RBFOX1: variants seen among roughly 807,000 people sequenced by gnomAD.
The protein encoded by RBFOX1 is RNA binding fox-1 homolog 1.
RBFOX1 carries 8 observed loss-of-function variants against 57.7 expected under a neutral mutation model. The observed-to-expected ratio is 0.14, with a 90% CI of 0.08 to 0.25. RBFOX1 has a LOEUF of 0.25. Among genes scored for constraint, RBFOX1 ranks in the 10% least tolerant of loss-of-function variants. RBFOX1 has a pLI of 1.00. For synonymous variants in RBFOX1, 326 were observed against 222.4 expected (o/e 1.47, Z -4.15); for missense variants, 611 against 548.5 (o/e 1.11, Z -1.14).
chr16:6,102,713 G>A (rs539579822), intron 1 of RBFOX1, among the ~76,000 whole-genome samples: 3 of 152,168 alleles, frequency 2.0e-5, no homozygotes, highest in Non-Finnish European at 2.9e-5. Context: ...TTTTCGCCTC[G>A]ATTTCCAAGT....
intron 11 of RBFOX1, among the ~76,000 whole-genome samples, chr16:7,643,864 C>G (rs1009916556): frequency 6.6e-6 from 1 of 152,106 alleles, no homozygotes; most frequent in African/African-American, 2.4e-5. Flanking sequence ...ATGGCGGGCA[C>G]ACACACAGAC....
intron 3 of RBFOX1, among the ~76,000 whole-genome samples, chr16:6,836,660 G>C (rs913890669): frequency 2.0e-5 from 3 of 152,184 alleles, no homozygotes; most frequent in Non-Finnish European, 2.9e-5. Context: ...GGGGGTGACA[G>C]TTCCTTTCTT....
At chr16:7,683,681 G>C (rs1261717275) in intron 14 of RBFOX1, among the ~76,000 whole-genome samples, 1 of 151,848 alleles carries the variant, frequency 6.6e-6, no homozygotes, top group Non-Finnish European at 1.5e-5. Context: ...TGACTTGATA[G>C]GCCACAAAAA....
At position 6,703,300 on chromosome 16, in the gene RBFOX1, A is replaced by G. The variant is rs1359986367; in HGVS notation, c.-16+48650A>G. Among the ~76,000 whole-genome samples, 7 of 152,070 alleles carry G rather than the reference A, an allele frequency of 4.6e-5. No individual in the cohort carries two copies. In the East Asian group the frequency reaches 1.4e-3, roughly 29 times the overall value. On this transcript the variant is annotated intron_variant, in intron 3 of 15. Coordinates refer to ENST00000550418, the MANE Select transcript of RBFOX1 (RefSeq NM_018723.4). The stretch of plus-strand genomic sequence containing the variant: ...TTTCATAGATAAGAAAGTGGCTGGG[A>G]GTGGTAGCTTACACCTGTGATCCAG...
intron 3 of RBFOX1, among the ~76,000 whole-genome samples, chr16:5,815,494 A>C (rs571775674): frequency 6.6e-6 from 1 of 152,194 alleles, no homozygotes; most frequent in South Asian, 2.1e-4. Flanking sequence ...ATGAGTATTC[A>C]GTCACTAATG....
intron 4 of RBFOX1, among the ~76,000 whole-genome samples, chr16:7,302,953 A>G (rs185480903): frequency 6.6e-6 from 1 of 152,228 alleles, no homozygotes; most frequent in Non-Finnish European, 1.5e-5. Flanking sequence ...AAGAATAAAA[A>G]AAATAAATAA....
intron 2 of RBFOX1, among the ~76,000 whole-genome samples, chr16:6,411,080 T>C (rs903333437): frequency 6.6e-6 from 1 of 152,154 alleles, no homozygotes; most frequent in Non-Finnish European, 1.5e-5. Flanking sequence ...ATTCCCCTAC[T>C]CTGAAAACCA....
At chr16:7,326,512 CA>C (rs1345696050) in intron 4 of RBFOX1, among the ~76,000 whole-genome samples, 10 of 152,232 alleles carry the variant, frequency 6.6e-5, no homozygotes, top group Admixed American at 6.5e-4. Context: ...GATGAAAAAA[CA>C]ATTTTGAATG....
At chr16:7,277,055 C>G (rs546920247) in intron 4 of RBFOX1, among the ~76,000 whole-genome samples, 4 of 152,266 alleles carry the variant, frequency 2.6e-5, no homozygotes, top group African/African-American at 4.8e-5. Flanking sequence ...GTCTGCAGCC[C>G]TTTAAGAATA....
intron 4 of RBFOX1, among the ~76,000 whole-genome samples, chr16:7,430,290 T>C (rs2098666151): frequency 2.6e-5 from 4 of 152,216 alleles, no homozygotes; most frequent in Admixed American, 2.6e-4. Flanking sequence ...TGGTGGTTTA[T>C]GCAATTCCCA....
chr16:6,420,347 T>G (rs1290450948), intron 2 of RBFOX1, among the ~76,000 whole-genome samples: 1 of 151,870 alleles, frequency 6.6e-6, no homozygotes, highest in African/African-American at 2.4e-5. Flanking sequence ...GGGGAGATTT[T>G]TTTTCCCTAC....
intron 3 of RBFOX1, among the ~76,000 whole-genome samples, chr16:6,926,033 G>T (rs1018813138): frequency 6.6e-6 from 1 of 152,106 alleles, no homozygotes; most frequent in Non-Finnish European, 1.5e-5. Context: ...TGCTGGCTGG[G>T]CTTGGTGGCT....
At chr16:7,028,315 C>T (rs1343658694) in intron 3 of RBFOX1, among the ~76,000 whole-genome samples, 3 of 152,094 alleles carry the variant, frequency 2.0e-5, no homozygotes, top group Non-Finnish European at 4.4e-5. Flanking sequence ...TATAAATGGG[C>T]TTCTGTGAAA....
intron 1 of RBFOX1, among the ~76,000 whole-genome samples, chr16:6,226,327 C>T (rs1410012880): frequency 1.5e-5 from 2 of 136,974 alleles, no homozygotes; most frequent in Admixed American, 8.0e-5. Context: ...GAGCCAAAAT[C>T]ATGCCATTGC....
At chr16:6,344,398 C>CTTTTTTTTTTTTT (rs1176288797) in intron 2 of RBFOX1, among the ~76,000 whole-genome samples, 10 of 71,936 alleles carry the variant, frequency 1.4e-4, no homozygotes, top group African/African-American at 1.1e-3. Flanking sequence ...CTTCTTTTTT[C>CTTTTTTTTTTTTT]TTTTTTTTCT....
intron 4 of RBFOX1, among the ~76,000 whole-genome samples, chr16:7,120,530 T>G (rs1287343685): frequency 6.6e-6 from 1 of 151,840 alleles, no homozygotes; most frequent in Non-Finnish European, 1.5e-5. Flanking sequence ...AGTCAACAAC[T>G]TACATGAAAT....
chr16:6,694,361 G>A (rs2060703960), intron 3 of RBFOX1, among the ~76,000 whole-genome samples: 3 of 152,140 alleles, frequency 2.0e-5, no homozygotes, highest in Admixed American at 2.0e-4. Context: ...TAATTATGTA[G>A]ATTATATCCA....
intron 4 of RBFOX1, among the ~76,000 whole-genome samples, chr16:7,085,375 G>T (rs1238719675): frequency 3.3e-5 from 5 of 152,034 alleles, no homozygotes; most frequent in Admixed American, 2.0e-4. Flanking sequence ...AAATATATAT[G>T]TGCAAGTTAT....
intron 3 of RBFOX1, among the ~76,000 whole-genome samples, chr16:6,882,768 C>G (rs1387321476): frequency 6.6e-6 from 1 of 152,092 alleles, no homozygotes; most frequent in Admixed American, 6.5e-5. Flanking sequence ...AAGCCAGAAA[C>G]GCAAGACCAG....
Sources: allele counts gnomAD v4.1 joint callset (sites outside exome capture counted in the v4.1 genomes callset), GRCh38; gene constraint gnomAD v4.1.1; transcripts MANE v1.5; gene names NCBI Gene and HGNC (gene_info 2026-07-23, HGNC 2026-07-21).